Variants in HTR1F observed in about 807,000 individuals in gnomAD.
The protein encoded by HTR1F is 5-hydroxytryptamine receptor 1F, also known as 5-hydroxytryptamine (serotonin) receptor 1F, G protein-coupled.
In HTR1F, 17 loss-of-function variants were observed where a neutral mutation model predicts 24.0. The observed-to-expected ratio is 0.71, with a 90% CI of 0.48 to 1.06. The LOEUF (loss-of-function observed/expected upper bound fraction) is 1.06. Ranked by LOEUF, HTR1F falls within the 50% of genes least tolerant of loss-of-function variation. HTR1F has a pLI of 0.00. For synonymous variants in HTR1F, 186 were observed against 156.8 expected (o/e 1.19, Z -1.39); for missense variants, 391 against 427.8 (o/e 0.91, Z 0.76).
chr3:87,851,541 A>G (rs1363516704), intron 2 of HTR1F, among the ~76,000 whole-genome samples: 3 of 151,520 alleles, frequency 2.0e-5, no homozygotes, highest in African/African-American at 7.3e-5. Context: ...TCTTACTTTT[A>G]TTGCTTAATG....
intron 2 of HTR1F, among the ~76,000 whole-genome samples, chr3:87,989,274 A>T (rs1459167943): frequency 6.6e-6 from 1 of 152,204 alleles, no homozygotes. Flanking sequence ...AAGCAAGGTA[A>T]CCCGGTCATT....
chr3:87,948,201 T>A (rs1182333316), intron 2 of HTR1F, among the ~76,000 whole-genome samples: 2 of 152,168 alleles, frequency 1.3e-5, no homozygotes, highest in Non-Finnish European at 2.9e-5. Flanking sequence ...CCTCATTCAC[T>A]TTGGCTGGCC....
chr3:87,832,857 G>A (rs533139725), intron 2 of HTR1F, among the ~76,000 whole-genome samples: 1 of 152,340 alleles, frequency 6.6e-6, no homozygotes, highest in Admixed American at 6.5e-5. Flanking sequence ...TTCCAGGAAT[G>A]AAAAGCCTCT....
intron 2 of HTR1F, among the ~76,000 whole-genome samples, chr3:87,846,410 C>G (rs1303087163): frequency 2.0e-5 from 3 of 151,434 alleles, no homozygotes; most frequent in African/African-American, 7.4e-5. Flanking sequence ...GCACTCCACC[C>G]TGGGTGACAG....
intron 2 of HTR1F, among the ~76,000 whole-genome samples, chr3:87,834,235 G>T (rs892370200): frequency 1.3e-5 from 2 of 152,230 alleles, no homozygotes; most frequent in Non-Finnish European, 2.9e-5. Context: ...AAGATACTGT[G>T]TGTGTATTCA....
chr3:87,916,949 AC>A (rs1215679744), intron 2 of HTR1F, among the ~76,000 whole-genome samples: 1 of 152,112 alleles, frequency 6.6e-6, no homozygotes, highest in Non-Finnish European at 1.5e-5. Flanking sequence ...TCCAAGATAG[AC>A]CACATGATAG....
At chr3:87,806,759 A>G (rs375942689) in intron 1 of HTR1F, among the ~76,000 whole-genome samples, 9 of 151,900 alleles carry the variant, frequency 5.9e-5, no homozygotes, top group African/African-American at 2.2e-4. Flanking sequence ...TTCTTCTAAG[A>G]GTTTTATTGT....
intron 2 of HTR1F, among the ~76,000 whole-genome samples, chr3:87,950,445 C>G (rs903212295): frequency 2.6e-5 from 4 of 151,460 alleles, no homozygotes; most frequent in African/African-American, 4.9e-5. Context: ...TTCTTTCAAC[C>G]CTTCATTCAT....
chr3:87,819,112 TG>T (rs1315579711), intron 1 of HTR1F, among the ~76,000 whole-genome samples: 7 of 152,222 alleles, frequency 4.6e-5, no homozygotes, highest in African/African-American at 1.7e-4. Context: ...ATGTGCACAC[TG>T]TTTTACTTCA....
intron 2 of HTR1F, among the ~76,000 whole-genome samples, chr3:87,839,003 A>ATT (rs1559600465): frequency 6.3e-5 from 9 of 142,806 alleles, no homozygotes; most frequent in African/African-American, 2.4e-4. Context: ...CTTTTTATTT[A>ATT]TTTATTTTAT....
At chr3:87,883,997 C>T (rs1705873724) in intron 2 of HTR1F, among the ~76,000 whole-genome samples, 1 of 152,096 alleles carries the variant, frequency 6.6e-6, no homozygotes, top group South Asian at 2.1e-4. Context: ...CAGAGAAAAC[C>T]ACAAAGGTAC....
chr3:87,913,593 G>A (rs2107356956), intron 2 of HTR1F, among the ~76,000 whole-genome samples: 1 of 152,134 alleles, frequency 6.6e-6, no homozygotes, highest in East Asian at 1.9e-4. Flanking sequence ...TATACCCAAA[G>A]AAATATAAAT....
In HTR1F at chr3:87,848,209, G is replaced by A. The variant is rs138383881; in HGVS notation, c.-43+26085G>A. 3.9e-3 allele frequency among the ~76,000 whole-genome samples: 597 copies of A among 151,812 alleles called. 17 individuals are homozygous for A. The highest frequency in any genetic ancestry group is 0.014 in the African/African-American group (574 of 41,280). On this transcript the variant is annotated intron_variant, in intron 2 of 2. Coordinates refer to ENST00000319595, the MANE Select transcript of HTR1F (RefSeq NM_001322209.2). ...TTTGTCTTTTTGATAATAGCCATTC[G>A]AACTGGGGTGAGATGATAGCTCATT...
At chr3:87,938,639 C>T (rs1025454579) in intron 2 of HTR1F, among the ~76,000 whole-genome samples, 19 of 151,952 alleles carry the variant, frequency 1.3e-4, no homozygotes, top group African/African-American at 4.6e-4. Context: ...AGGCTGCACA[C>T]CTAAGACCAT....
intron 2 of HTR1F, among the ~76,000 whole-genome samples, chr3:87,890,494 A>G (rs1706054756): frequency 6.6e-6 from 1 of 151,082 alleles, no homozygotes; most frequent in Non-Finnish European, 1.5e-5. Context: ...TGAACAATGT[A>G]TGTAAGTAAC....
At chr3:87,930,275 T>G (rs1292997802) in intron 2 of HTR1F, among the ~76,000 whole-genome samples, 1 of 152,194 alleles carries the variant, frequency 6.6e-6, no homozygotes, top group Non-Finnish European at 1.5e-5. Flanking sequence ...TGCCCTCTGT[T>G]TCTTTCTTTT....
intron 2 of HTR1F, among the ~76,000 whole-genome samples, chr3:87,841,900 CAAAAAA>C (rs1463648976): frequency 1.7e-5 from 1 of 57,486 alleles, no homozygotes; most frequent in African/African-American, 5.7e-5. Flanking sequence ...GATTCTGTCT[CAAAAAA>C]AAAAAAAAAA....
In HTR1F at chr3:87,981,885, G is replaced by C. The variant is rs183232875; in HGVS notation, c.-42-8823G>C. 1.2e-3 allele frequency among the ~76,000 whole-genome samples: 190 copies of C among 152,136 alleles called. 1 individual carries two copies. Among genetic ancestry groups the C allele is most frequent in the African/African-American group, 4.1e-3 (172 of 41,518 alleles). On this transcript the variant is annotated intron_variant, in intron 2 of 2. Coordinates refer to ENST00000319595, the MANE Select transcript of HTR1F (RefSeq NM_001322209.2). ...GAAAACAATAACCAGATCCATTTAA[G>C]CAATGAGGTGTGCGTATATGTAAAT...
chr3:87,872,529 T>A (rs1177075607), intron 2 of HTR1F, among the ~76,000 whole-genome samples: 1 of 151,872 alleles, frequency 6.6e-6, no homozygotes, highest in Non-Finnish European at 1.5e-5. Flanking sequence ...AACCCTTAAC[T>A]TGTCTAACTA....
Sources: gnomAD v4.1 joint callset for allele counts (sites outside exome capture counted in the v4.1 genomes callset) on GRCh38, gnomAD v4.1.1 for gene constraint, MANE v1.5 for transcripts, NCBI Gene and HGNC (gene_info 2026-07-23, HGNC 2026-07-21) for gene names.